Variants in KCNT2 observed in about 807,000 individuals in gnomAD.
KCNT2 encodes potassium channel subfamily T member 2.
Under a neutral mutation model 153.8 loss-of-function variants are expected in KCNT2, and 67 were observed. The ratio of observed to expected loss-of-function variants is 0.44; its 90% CI spans 0.36 to 0.53. The LOEUF is 0.53. KCNT2 is among the 20% of genes least tolerant of loss of function. The pLI, the probability that KCNT2 is intolerant of heterozygous loss-of-function variation, is 0.00. For synonymous variants in KCNT2, 500 were observed against 458.8 expected (o/e 1.09, Z -1.15); for missense variants, 975 against 1,354.8 (o/e 0.72, Z 4.40).
rs1665523568 is a variant in KCNT2, at chr1:196,340,584, A to T, written c.1554-14T>A. 1.4e-6 allele frequency: 2 copies of T among 1,464,512 alleles called. No homozygotes were observed. Among genetic ancestry groups the T allele is most frequent in the East Asian group, 4.6e-5 (2 of 43,568 alleles). 90.7% of individuals were successfully genotyped at this position (1,464,512 alleles called of 1,614,324 possible). ...CAGACGCCAAACCTTAATTTAAAAA[A>T]AAAGAGAGTTTGTAAGAAAATTAGT... is the stretch of plus-strand genomic sequence containing the variant. On this transcript the variant is annotated splice_polypyrimidine_tract_variant and intron_variant, in intron 15 of 27. Coordinates refer to ENST00000294725, the MANE Select transcript of KCNT2 (RefSeq NM_198503.5).
chr1:196,501,742 TAAA>T (rs1281227980), intron 1 of KCNT2, among the ~76,000 whole-genome samples: 1 of 152,034 alleles, frequency 6.6e-6, no homozygotes, highest in Non-Finnish European at 1.5e-5. Context: ...CTTAAATCTA[TAAA>T]AATAAAAGTA....
chr1:196,496,370 C>T (rs916444026), intron 1 of KCNT2, among the ~76,000 whole-genome samples: 10 of 150,158 alleles, frequency 6.7e-5, no homozygotes, highest in African/African-American at 1.7e-4. Flanking sequence ...CTGGAGGCTG[C>T]GGAAGGAGAA....
chr1:196,281,648 A>G (rs1659105292), intron 24 of KCNT2, among the ~76,000 whole-genome samples: 2 of 152,186 alleles, frequency 1.3e-5, no homozygotes, highest in African/African-American at 2.4e-5. Flanking sequence ...TGGACAAAGT[A>G]TACTTATCTA....
intron 3 of KCNT2, among the ~76,000 whole-genome samples, chr1:196,484,831 G>A (rs965786975): frequency 3.9e-5 from 6 of 151,978 alleles, no homozygotes; most frequent in South Asian, 2.1e-4. Flanking sequence ...AATTAGGAAC[G>A]CTTTTACACT....
chr1:196,275,996 C>T (rs1658532706), intron 25 of KCNT2, among the ~76,000 whole-genome samples: 1 of 152,036 alleles, frequency 6.6e-6, no homozygotes, highest in Non-Finnish European at 1.5e-5. Flanking sequence ...TTAATTCCCT[C>T]TCATAAGACC....
intron 26 of KCNT2, among the ~76,000 whole-genome samples, chr1:196,254,502 A>C (rs1352159078): frequency 2.0e-5 from 3 of 151,660 alleles, no homozygotes; most frequent in African/African-American, 7.2e-5. Context: ...AAAAGAAATA[A>C]CTAGCCATAG....
chr1:196,555,747 A>G (rs1383604359), intron 1 of KCNT2, among the ~76,000 whole-genome samples: 1 of 151,538 alleles, frequency 6.6e-6, no homozygotes, highest in Non-Finnish European at 1.5e-5. Context: ...GATTCAAATT[A>G]TACTGCAAAG....
intron 1 of KCNT2, among the ~76,000 whole-genome samples, chr1:196,522,596 G>A (rs956558106): frequency 6.6e-5 from 10 of 152,134 alleles, no homozygotes; most frequent in African/African-American, 2.2e-4. Flanking sequence ...AAGCCAGCGG[G>A]ACTTCCTGGG....
At position 196,401,830 on chromosome 1, in the gene KCNT2, C is replaced by T. The variant is rs546236052; in HGVS notation, c.1186-3159G>A. On this transcript the variant is annotated intron_variant, in intron 12 of 27. Transcript: ENST00000294725. The stretch of plus-strand genomic sequence containing the variant: ...TGTAGAAGACATACACTTATAAGTT[C>T]AAGAAAATTAGCAAAATCTAAACTA... 2.6e-5 allele frequency among the ~76,000 whole-genome samples: 4 copies of T among 151,536 alleles called. No homozygotes were observed. The South Asian group carries it at 8.3e-4, about 31-fold the overall frequency.
chr1:196,579,601 C>T (rs1437169961), intron 1 of KCNT2, among the ~76,000 whole-genome samples: 1 of 151,954 alleles, frequency 6.6e-6, no homozygotes, highest in Non-Finnish European at 1.5e-5. Context: ...TCAAGTGATT[C>T]TCCTGCCTCA....
At chr1:196,330,266 T>A (rs1301150851) in intron 18 of KCNT2, among the ~76,000 whole-genome samples, 1 of 151,724 alleles carries the variant, frequency 6.6e-6, no homozygotes, top group East Asian at 1.9e-4. Context: ...AAGCACCAAC[T>A]CAGTTATTAA....
chr1:196,505,526 C>T (rs1322668664), intron 1 of KCNT2, among the ~76,000 whole-genome samples: 67 of 151,412 alleles, frequency 4.4e-4, no homozygotes, highest in Non-Finnish European at 8.6e-4. Context: ...GTGATGCCTC[C>T]AGCTTTGTTC....
At chr1:196,268,250 G>A (rs1178324082) in intron 25 of KCNT2, among the ~76,000 whole-genome samples, 1 of 152,102 alleles carries the variant, frequency 6.6e-6, no homozygotes, top group Non-Finnish European at 1.5e-5. Flanking sequence ...GGAATCCCTT[G>A]CCTCATACAT....
At chr1:196,571,987 A>G (rs533211024) in intron 1 of KCNT2, among the ~76,000 whole-genome samples, 1 of 152,228 alleles carries the variant, frequency 6.6e-6, no homozygotes, top group Admixed American at 6.5e-5. Flanking sequence ...AGGACCTGAA[A>G]GGCAACCTCT....
chr1:196,473,001 C>A (rs888148876), intron 5 of KCNT2, among the ~76,000 whole-genome samples: 10 of 152,152 alleles, frequency 6.6e-5, no homozygotes, highest in Non-Finnish European at 1.3e-4. Context: ...GGCACTATTT[C>A]ATTTGTCTCT....
intron 8 of KCNT2, among the ~76,000 whole-genome samples, chr1:196,462,510 A>T (rs972778249): frequency 3.3e-5 from 5 of 151,714 alleles, no homozygotes; most frequent in African/African-American, 1.2e-4. Context: ...TATTAAAAGG[A>T]TACTATGTTT....
At chr1:196,435,492 T>C (rs1341472644) in intron 8 of KCNT2, among the ~76,000 whole-genome samples, 1 of 151,566 alleles carries the variant, frequency 6.6e-6, no homozygotes, top group East Asian at 1.9e-4. Flanking sequence ...AACTTGTCTT[T>C]TATAAAACAG....
At chr1:196,439,593 A>C (rs1025368334) in intron 8 of KCNT2, among the ~76,000 whole-genome samples, 2 of 152,034 alleles carry the variant, frequency 1.3e-5, no homozygotes, top group African/African-American at 2.4e-5. Flanking sequence ...ATAATGACAT[A>C]AAGTAAGAAA....
At chr1:196,415,572 A>T (rs1376640454) in intron 12 of KCNT2, among the ~76,000 whole-genome samples, 1 of 151,786 alleles carries the variant, frequency 6.6e-6, no homozygotes, top group Non-Finnish European at 1.5e-5. Flanking sequence ...GCCTATTGTT[A>T]TGTCCGGATA....
Sources: allele counts gnomAD v4.1 joint callset (sites outside exome capture counted in the v4.1 genomes callset), GRCh38; gene constraint gnomAD v4.1.1; transcripts MANE v1.5; gene names NCBI Gene and HGNC (gene_info 2026-07-23, HGNC 2026-07-21).